ASAP3: variants seen among roughly 807,000 people sequenced by gnomAD.
The protein encoded by ASAP3 is arf-GAP with SH3 domain, ANK repeat and PH domain-containing protein 3.
Under a neutral mutation model 118.2 loss-of-function variants are expected in ASAP3, and 85 were observed. That is an observed-to-expected ratio of 0.72 (90% CI 0.60 to 0.86). ASAP3 has a LOEUF of 0.86. Among genes scored for constraint, ASAP3 ranks in the 40% least tolerant of loss-of-function variants. ASAP3 has a pLI of 0.00. For synonymous variants in ASAP3, 432 were observed against 477.4 expected, an observed-to-expected ratio of 0.90 and a Z score of 1.24; for missense variants, 1,026 against 1,175.0, an observed-to-expected ratio of 0.87 and a Z score of 1.85.
At chr1:23,440,096 G>T (rs1362815158) in intron 10 of ASAP3, among the ~76,000 whole-genome samples, 3 of 149,510 alleles carry the variant, frequency 2.0e-5, no homozygotes, top group Non-Finnish European at 3.0e-5. Flanking sequence ...GATTACAGGT[G>T]TGAGCCACTG....
intron 1 of ASAP3, among the ~76,000 whole-genome samples, chr1:23,481,761 T>G (rs1642315518): frequency 6.6e-6 from 1 of 152,206 alleles, no homozygotes; most frequent in South Asian, 2.1e-4. Flanking sequence ...CAAGGCCAGA[T>G]GTATGGGCAT....
rs553500353 is a variant in ASAP3, at chr1:23,452,705, C to T, written c.415G>A (p.Gly139Ser). The change falls in exon 4 of 25, where the codon GGT (glycine) becomes AGT (serine). Residue 139 changes from glycine (G) to serine (S), a missense_variant. Gly to Ser is a moderately conservative substitution (Grantham distance 56). Coordinates refer to ENST00000336689, the MANE Select transcript of ASAP3 (RefSeq NM_017707.4). ...DSLMKGQLRD[G>S]RQDSKKQLEK... ...CCAGCATGGAGACTCACCTGTCGAC[C>T]GTCCCTCAGCTGCCCCTTCATCAGA... 1.1e-5 allele frequency: 17 copies of T among 1,613,692 alleles called. No individual in the cohort carries two copies. Among genetic ancestry groups the T allele is most frequent in the East Asian group, 2.2e-5 (1 of 44,886 alleles).
At chr1:23,439,307 C>A (rs1640784790) in intron 10 of ASAP3, 77 bp from the exon 11 acceptor site, 10 of 1,377,282 alleles carry the variant, frequency 7.3e-6, no homozygotes, top group Middle Eastern at 1.8e-4. Flanking sequence ...CAGAAATTTG[C>A]CCCCACCTGT....
intron 1 of ASAP3, among the ~76,000 whole-genome samples, chr1:23,481,176 T>C (rs1036229844): frequency 1.3e-5 from 2 of 152,160 alleles, no homozygotes; most frequent in South Asian, 2.1e-4. Context: ...CTGGTCTCTA[T>C]CTTAAAAGGG....
At chr1:23,460,858 A>C (rs1641564063) in intron 1 of ASAP3, among the ~76,000 whole-genome samples, 1 of 152,258 alleles carries the variant, frequency 6.6e-6, no homozygotes, top group African/African-American at 2.4e-5. Flanking sequence ...TCATGCATCC[A>C]GAGAGTGAAA....
rs763875974 is a variant in ASAP3 at position 23,435,951 on chromosome 1, C to T, written c.1649G>A (p.Arg550Gln). The change falls in exon 17 of 25, where the codon CGA becomes CAA. Residue 550 changes from arginine (R) to glutamine (Q), a missense_variant. By Grantham distance (43) the Arg-to-Gln change is conservative. Transcript: ENST00000336689. ...CCTGTTGCAAATGGCTGTCCAGAGT[C>T]GCTGAGGCTCAGGTGTGCACCGGCG... is the stretch of plus-strand genomic sequence containing the variant. The part of the protein sequence containing the change: ...FARRCTPEPQ[R>Q]LWTAICNRDL... 15 of 1,614,238 alleles carry T rather than the reference C, an allele frequency of 9.3e-6. No homozygotes were observed. The highest frequency in any genetic ancestry group is 1.6e-4 in the Middle Eastern group (1 of 6,062).
rs1241769628 is a variant in ASAP3 at position 23,456,239 on chromosome 1, T to TAGGG, written c.130-49_130-46dup. 2.5e-6 allele frequency: 4 copies of TAGGG among 1,581,418 alleles called. No homozygotes were observed. In the African/African-American group the frequency reaches 5.4e-5, roughly 21 times the overall value. ...GAGGTTCAGGGATGCCAAGCTGGAA[T>TAGGG]AGGGTGCTTCCTTCAGGAACGCTGT... On this transcript the variant is annotated intron_variant, in intron 1 of 24. Transcript: ENST00000336689.
At chr1:23,460,400 G>A (rs190383254) in intron 1 of ASAP3, among the ~76,000 whole-genome samples, 21 of 151,806 alleles carry the variant, frequency 1.4e-4, no homozygotes, top group Middle Eastern at 3.4e-3. Flanking sequence ...CCAGCTACTC[G>A]GGAGGCTAAG....
Position 23,455,989 on chromosome 1 carries a change from C to A in ASAP3, c.240G>T (p.Val80=). Reference sequence around the variant, plus strand: ...ACAGGTGGCTGTTGCCTAAGGATTCCACGGCCTCTCGGTACTGCTCTTCAT... The same window carrying A: ...ACAGGTGGCTGTTGCCTAAGGATTCAACGGCCTCTCGGTACTGCTCTTCAT... ...VENEEQYREA[V]ESLGNSHLSQ... The change falls in exon 3 of 25, where the codon GTG becomes GTT. Residue 80 remains valine, a synonymous_variant. Coordinates refer to ENST00000336689, the MANE Select transcript of ASAP3 (RefSeq NM_017707.4). 1 of 1,614,114 alleles carries A rather than the reference C, an allele frequency of 6.2e-7. No homozygotes were observed. Among genetic ancestry groups the A allele is most frequent in the Non-Finnish European group, 8.5e-7 (1 of 1,180,026 alleles).
intron 1 of ASAP3, among the ~76,000 whole-genome samples, chr1:23,461,100 G>A (rs530428002): frequency 1.3e-5 from 2 of 152,136 alleles, no homozygotes; most frequent in Non-Finnish European, 2.9e-5. Context: ...TTAGGGCAGG[G>A]AAACATTTCT....
Position 23,429,900 on chromosome 1 carries a change from T to C in ASAP3, c.2668A>G (p.Thr890Ala), listed in dbSNP as rs1640362915. 1.2e-6 allele frequency: 2 copies of C among 1,613,860 alleles called. No homozygotes were observed. Among genetic ancestry groups the C allele is most frequent in the Admixed American group, 3.3e-5 (2 of 59,980 alleles). Reference protein sequence around the residue: ...VGITEGDGSRTGSLPASSVQL... With the variant: ...VGITEGDGSRAGSLPASSVQL... ...ACAGAACTTGCTGGGAGACTCCCAG[T>C]CCTTGAGCCATCTCCTTCAGTGATG... The change falls in exon 25 of 25, where the codon ACT becomes GCT. Residue 890 changes from threonine to alanine, a missense_variant. Thr to Ala is a moderately conservative substitution (Grantham distance 58). Transcript: ENST00000336689.
chr1:23,464,666 A>AAAAC, intron 1 of ASAP3, among the ~76,000 whole-genome samples: 1 of 45,760 alleles, frequency 2.2e-5, no homozygotes, highest in African/African-American at 4.8e-5. Context: ...TCTTAAAAAA[A>AAAAC]AAAAAAAAAA....
intron 1 of ASAP3, among the ~76,000 whole-genome samples, chr1:23,468,156 T>C (rs1570400380): frequency 1.3e-5 from 2 of 151,978 alleles, no homozygotes; most frequent in Non-Finnish European, 2.9e-5. Flanking sequence ...ACAGCCAAAA[T>C]GTGGACCTGG....
Position 23,483,904 on chromosome 1 carries a change from G to T in ASAP3, c.129+101C>A, listed in dbSNP as rs998165828. 5 of 1,166,062 alleles carry T rather than the reference G, an allele frequency of 4.3e-6. No individual in the cohort carries two copies. In the African/African-American group the frequency reaches 8.0e-5, roughly 19 times the overall value. The allele number at this position is 1,166,062 out of a possible 1,614,324, so 72.2% of individuals were successfully genotyped here. A position where few individuals can be genotyped will look rare whatever the true frequency, so the allele number is the denominator to read the frequency against. On this transcript the variant is annotated intron_variant, in intron 1 of 24. Transcript: ENST00000336689. ...GACCTAGGGAGGGGGCAGGTTTCGG[G>T]GCGCGGTGAAGGGCCATCGCAGCTC...
At chr1:23,451,225 T>A (rs1020943411) in intron 5 of ASAP3, among the ~76,000 whole-genome samples, 12 of 152,184 alleles carry the variant, frequency 7.9e-5, no homozygotes, top group Admixed American at 7.2e-4. Context: ...TCCCTGCCCA[T>A]GTCTGGCACC....
rs1484433893 is a variant in ASAP3 at position 23,428,584 on chromosome 1, T to C, written c.*1272A>G. Reference sequence around the variant, plus strand: ...TGGAAACTGACCCCCCAATCCTTTATTAGAGATGAGTGAAATAACAAGTCT... The same window carrying C: ...TGGAAACTGACCCCCCAATCCTTTACTAGAGATGAGTGAAATAACAAGTCT... On this transcript the variant is annotated 3_prime_UTR_variant, in exon 25 of 25. Coordinates refer to ENST00000336689, the MANE Select transcript of ASAP3 (RefSeq NM_017707.4). The C allele has an allele frequency of 1.3e-5, 2 of 152,220 alleles. No homozygotes were observed. The highest frequency in any genetic ancestry group is 2.4e-5 in the African/African-American group (1 of 41,456). The allele number at this position is 152,220 out of a possible 1,614,324, so 9.4% of individuals were successfully genotyped here. A position where few individuals can be genotyped will look rare whatever the true frequency, so the allele number is the denominator to read the frequency against.
chr1:23,438,637 A>G lies in ASAP3; in HGVS notation c.1102+110T>C. The G allele has an allele frequency of 1.2e-6, 1 of 869,320 alleles. No homozygotes were observed. The highest frequency in any genetic ancestry group is 1.7e-5 in the African/African-American group (1 of 59,988). 53.9% of individuals were successfully genotyped at this position (869,320 alleles called of 1,614,324 possible). The stretch of plus-strand genomic sequence containing the variant: ...TCTGCAGTAGCAGCAATTCGACACC[A>G]TGTGTGGAACTGGACACAGACCCCT... On this transcript the variant is annotated intron_variant, in intron 12 of 24. Coordinates refer to ENST00000336689, the MANE Select transcript of ASAP3 (RefSeq NM_017707.4). The surrounding 1 kb of genome is among the most constrained non-coding windows in gnomAD (Gnocchi z 4.9).
chr1:23,483,923 G>A, intron 1 of ASAP3, 82 bp downstream of exon 1: 2 of 1,210,206 alleles, frequency 1.7e-6, no homozygotes, highest in Non-Finnish European at 2.1e-6. Flanking sequence ...AAGGGCCATC[G>A]CAGCTCGGGT....
At position 23,431,036 on chromosome 1, in the gene ASAP3, G is replaced by T. The variant is rs137927599; in HGVS notation, c.2636C>A (p.Pro879Gln). 445 of 1,578,068 alleles carry T rather than the reference G, an allele frequency of 2.8e-4. No homozygotes were observed. Among genetic ancestry groups the T allele is most frequent in the Middle Eastern group, 2.4e-3 (14 of 5,940 alleles). Residue 879 changes from proline to glutamine, a missense_variant and splice_region_variant, in exon 24 of 25, where the codon CCG becomes CAG. Pro to Gln is a moderately conservative substitution (Grantham distance 76). Coordinates refer to ENST00000336689, the MANE Select transcript of ASAP3 (RefSeq NM_017707.4). ...ARQPLPRRNV[P>Q]VGITEGDGSR... is the part of the protein sequence containing the mutation. ...AAACCATGGTCCCAGAGTTCCTACC[G>T]GCACGTTCCTTCTGGGCAGAGGCTG...
Sources: allele counts gnomAD v4.1 joint callset (sites outside exome capture counted in the v4.1 genomes callset), GRCh38; gene constraint gnomAD v4.1.1; non-coding constraint Gnocchi (gnomAD v3.1); transcripts MANE v1.5; gene names NCBI Gene and HGNC (gene_info 2026-07-23, HGNC 2026-07-21).